Variants in RELL1 observed in about 807,000 individuals in gnomAD.
RELL1 encodes RELT like 1.
RELL1 carries 10 observed loss-of-function variants against 23.0 expected under a neutral mutation model. That is an observed-to-expected ratio of 0.43 (90% CI 0.27 to 0.74). The LOEUF (loss-of-function observed/expected upper bound fraction) is 0.74, where lower values mean the gene tolerates loss of function less well. RELL1 is among the 30% of genes least tolerant of loss of function. The pLI is 0.19. For missense variants in RELL1, 315 were observed against 364.4 expected, an observed-to-expected ratio of 0.86 and a Z score of 1.10; for synonymous variants, 146 against 146.8, an observed-to-expected ratio of 0.99 and a Z score of 0.04.
intron 4 of RELL1, among the ~76,000 whole-genome samples, chr4:37,637,508 C>T (rs1720372892): frequency 6.6e-6 from 1 of 152,190 alleles, no homozygotes; most frequent in South Asian, 2.1e-4. Flanking sequence ...CTTGTCTCCA[C>T]CTCCTGCACG....
At chr4:37,604,075 G>T (rs966161082) in intron 6 of RELL1, among the ~76,000 whole-genome samples, 28 of 152,082 alleles carry the variant, frequency 1.8e-4, no homozygotes, top group African/African-American at 5.8e-4. Context: ...GCCCACCTTG[G>T]CCTCCCAAAG....
intron 4 of RELL1, 48 bp downstream of exon 4, chr4:37,638,399 A>C: frequency 7.0e-7 from 1 of 1,423,126 alleles, no homozygotes; most frequent in Non-Finnish European, 9.9e-7. Flanking sequence ...ATATCTGAGC[A>C]AGTAACTGAA....
Position 37,660,997 on chromosome 4 carries a change from C to G in RELL1, c.89-11497G>C, listed in dbSNP as rs534805006. 4.6e-5 allele frequency among the ~76,000 whole-genome samples: 7 copies of G among 151,514 alleles called. No homozygotes were observed. In the East Asian group the frequency reaches 7.9e-4, roughly 17 times the overall value. On this transcript the variant is annotated intron_variant, in intron 1 of 6. Coordinates refer to ENST00000454158, the MANE Select transcript of RELL1 (RefSeq NM_001085400.2). Reference sequence around the variant, plus strand: ...AGTGAGCCGAGACTGTGCCACTGCACTCCAGCCTGGGTGACAGAGTGAGAC... The same window carrying G: ...AGTGAGCCGAGACTGTGCCACTGCAGTCCAGCCTGGGTGACAGAGTGAGAC...
At chr4:37,674,641 T>C (rs935075635) in intron 1 of RELL1, among the ~76,000 whole-genome samples, 1 of 152,230 alleles carries the variant, frequency 6.6e-6, no homozygotes, top group Admixed American at 6.5e-5. Flanking sequence ...GCAGCTGTTT[T>C]TTATAAAGTG....
intron 1 of RELL1, among the ~76,000 whole-genome samples, chr4:37,650,366 T>C (rs906533960): frequency 1.3e-5 from 2 of 152,186 alleles, no homozygotes; most frequent in East Asian, 1.9e-4. Context: ...CCAATAAACA[T>C]TGAATGCATG....
At chr4:37,620,291 GA>G (rs1379113839) in intron 6 of RELL1, among the ~76,000 whole-genome samples, 2 of 152,180 alleles carry the variant, frequency 1.3e-5, no homozygotes, top group African/African-American at 4.8e-5. Flanking sequence ...ATTTAGATCT[GA>G]AGTCTGAAGG....
At chr4:37,586,391 G>A (rs1718341516), downstream of RELL1, among the ~76,000 whole-genome samples, 1 of 152,176 alleles carries the variant, frequency 6.6e-6, no homozygotes, top group South Asian at 2.1e-4. Flanking sequence ...TGTACCAGGT[G>A]CTGTCCTAAG....
chr4:37,606,279 A>G (rs1719220968), downstream of RELL1, among the ~76,000 whole-genome samples: 1 of 151,716 alleles, frequency 6.6e-6, no homozygotes, highest in Non-Finnish European at 1.5e-5. The surrounding 1 kb of genome is among the most constrained non-coding windows in gnomAD (Gnocchi z 4.1). Flanking sequence ...GAGGAAGGAG[A>G]AAAGTAAAGG....
At chr4:37,630,017 AG>A (rs1224898554) in intron 6 of RELL1, among the ~76,000 whole-genome samples, 1 of 152,210 alleles carries the variant, frequency 6.6e-6, no homozygotes, top group African/African-American at 2.4e-5. Flanking sequence ...TATCTTGCCC[AG>A]GTCCCAGGGT....
In RELL1 at chr4:37,610,856, A is replaced by AG. The variant is rs1250994461; in HGVS notation, c.*2489dup. 6.6e-6 allele frequency among the ~76,000 whole-genome samples: 1 copy of AG among 152,182 alleles called. No individual in the cohort carries two copies. The highest frequency in any genetic ancestry group is 1.9e-4 in the East Asian group (1 of 5,198). On this transcript the variant is annotated 3_prime_UTR_variant, in exon 7 of 7. Coordinates refer to ENST00000454158, the MANE Select transcript of RELL1 (RefSeq NM_001085400.2). The surrounding 1 kb of genome is among the most constrained non-coding windows in gnomAD (Gnocchi z 4.1). Reference sequence around the variant, plus strand: ...GTGGATTCCCTCATCCTTAGAAAGGAGGAGGAGTAACACAAGACCTGTAAA... The same window carrying AG: ...GTGGATTCCCTCATCCTTAGAAAGGAGGGAGGAGTAACACAAGACCTGTAAA...
rs1483293891 is a variant in RELL1, at chr4:37,604,900, GACACAC to G, written c.*4-13689_*4-13684del. Among the ~76,000 whole-genome samples the G allele has an allele frequency of 9.5e-4, 62 of 65,588 alleles. 5 individuals are homozygous for G. Among genetic ancestry groups the G allele is most frequent in the African/African-American group, 3.4e-3 (42 of 12,216 alleles). The allele number at this position is 65,588 out of a possible 152,430, so 43.0% of individuals were successfully genotyped here. A position where few individuals can be genotyped will look rare whatever the true frequency, so the allele number is the denominator to read the frequency against. The stretch of plus-strand genomic sequence containing the variant: ...ACACATACACACAGACACACACACA[GACACAC>G]ACACACACACACAGACACACACACA... On this transcript the variant is annotated intron_variant, in intron 6 of 6. Transcript: ENST00000314117.
At chr4:37,596,990 T>A (rs892503105) in intron 6 of RELL1, among the ~76,000 whole-genome samples, 2 of 151,764 alleles carry the variant, frequency 1.3e-5, no homozygotes, top group African/African-American at 4.8e-5. Flanking sequence ...TCAGGTGATC[T>A]GCCCACCTTG....
At chr4:37,600,243 C>T (rs551644757) in intron 6 of RELL1, among the ~76,000 whole-genome samples, 82 of 146,444 alleles carry the variant, frequency 5.6e-4, no homozygotes, top group African/African-American at 1.9e-3. Flanking sequence ...GCACTCCAGC[C>T]TGGGTGACAG....
intron 6 of RELL1, among the ~76,000 whole-genome samples, chr4:37,600,528 A>G (rs769565841): frequency 1.3e-5 from 2 of 152,172 alleles, no homozygotes; most frequent in Admixed American, 6.6e-5. Context: ...TATTCTCATT[A>G]TCTTCATCAT....
At chr4:37,668,079 A>AT (rs144775704) in intron 1 of RELL1, among the ~76,000 whole-genome samples, 1 of 151,934 alleles carries the variant, frequency 6.6e-6, no homozygotes, top group Non-Finnish European at 1.5e-5. Flanking sequence ...ATTATAAGTC[A>AT]TTTTTTTTCT....
At chr4:37,685,335 G>C (rs1258736871) in intron 1 of RELL1, among the ~76,000 whole-genome samples, 3 of 152,102 alleles carry the variant, frequency 2.0e-5, no homozygotes, top group African/African-American at 7.3e-5. Flanking sequence ...GGCCAAGTAA[G>C]TATGTTTTTT....
Position 37,686,248 on chromosome 4 carries a change from C to T in RELL1, c.40G>A (p.Ala14Thr), listed in dbSNP as rs1216354663. The T allele has an allele frequency of 6.4e-7, 1 of 1,573,494 alleles. No homozygotes were observed. Among genetic ancestry groups the T allele is most frequent in the Non-Finnish European group, 8.6e-7 (1 of 1,168,254 alleles). ...ACGGCGCCTCCCACGAAGACAGCAG[C>T]GGCTAGGACGGCGGACCCCGGGAGT... ...RALPGSAVLAAAVFVGGAVSS... is the reference protein window; with the variant it reads ...RALPGSAVLATAVFVGGAVSS... Residue 14 changes from alanine (A) to threonine (T), a missense_variant, in exon 1 of 7, where the codon GCT becomes ACT. Physicochemically the swap from Ala to Thr is moderately conservative, Grantham distance 58 (BLOSUM62 0). Transcript: ENST00000454158.
intron 1 of RELL1, among the ~76,000 whole-genome samples, chr4:37,682,985 C>A (rs1722273857): frequency 6.6e-6 from 1 of 152,186 alleles, no homozygotes; most frequent in Admixed American, 6.5e-5. Flanking sequence ...AAAATCATCC[C>A]TTTGGGTGCT....
At chr4:37,678,431 G>A (rs909857104) in intron 1 of RELL1, among the ~76,000 whole-genome samples, 4 of 152,182 alleles carry the variant, frequency 2.6e-5, no homozygotes, top group Non-Finnish European at 4.4e-5. Flanking sequence ...GTGGCTAATG[G>A]CTCTGCCCCA....
Sources: allele counts gnomAD v4.1 joint callset (sites outside exome capture counted in the v4.1 genomes callset), GRCh38; gene constraint gnomAD v4.1.1; non-coding constraint Gnocchi (gnomAD v3.1); transcripts MANE v1.5; gene names NCBI Gene and HGNC (gene_info 2026-07-23, HGNC 2026-07-21).